Variants in H2AZ2 observed in about 807,000 individuals in gnomAD.
H2AZ2 encodes the protein H2A.Z variant histone 2, also known as histone H2A.V.
In H2AZ2, 5 loss-of-function variants were observed where a neutral mutation model predicts 15.5. The observed-to-expected ratio is 0.32, with a 90% CI of 0.17 to 0.68. The LOEUF is 0.68. Among genes scored for constraint, H2AZ2 ranks in the 30% least tolerant of loss-of-function variants. The probability of loss-of-function intolerance (pLI) is 0.72; values close to 1 mark genes in which losing one functional copy is unlikely to be tolerated. For synonymous variants in H2AZ2, 44 were observed against 57.4 expected (o/e 0.77, Z 1.05); for missense variants, 42 against 162.5 (o/e 0.26, Z 4.03).
chr7:44,830,091 T>A, downstream of H2AZ2: 1 of 1,586,192 alleles, frequency 6.3e-7, no homozygotes, highest in Non-Finnish European at 8.7e-7. Flanking sequence ...AGAATCTTGT[T>A]CCACTAAATC....
intron 2 of H2AZ2, among the ~76,000 whole-genome samples, chr7:44,841,544 C>CT (rs1793276493): frequency 6.6e-6 from 1 of 152,190 alleles, no homozygotes; most frequent in African/African-American, 2.4e-5. Flanking sequence ...GAGTCTCACT[C>CT]TGTCACCCAG....
chr7:44,847,928 C>T, intron 1 of H2AZ2, 41 bp downstream of exon 1: 1 of 1,515,402 alleles, frequency 6.6e-7, no homozygotes, highest in Non-Finnish European at 8.8e-7. Flanking sequence ...GCGCTCTGCT[C>T]TCCCAGGCCC....
downstream of H2AZ2, among the ~76,000 whole-genome samples, chr7:44,830,578 A>C (rs1365357351): frequency 6.6e-6 from 1 of 152,196 alleles, no homozygotes; most frequent in East Asian, 1.9e-4. Context: ...AAAAAGAAAA[A>C]GAAAAATCCT....
At chr7:44,835,749 A>G in intron 3 of H2AZ2, 91 bp from the exon 4 acceptor site, 2 of 1,113,374 alleles carry the variant, frequency 1.8e-6, no homozygotes, top group South Asian at 1.8e-5. Context: ...AAATGCACAC[A>G]CAATACATAA....
At chr7:44,829,357 T>C (rs1369860759), downstream of H2AZ2, 2 of 152,188 alleles carry the variant, frequency 1.3e-5, no homozygotes, top group African/African-American at 2.4e-5. Flanking sequence ...TCCCAGCACT[T>C]TGGAAGGCTT....
intron 3 of H2AZ2, among the ~76,000 whole-genome samples, chr7:44,836,736 C>T (rs1465815501): frequency 2.0e-5 from 3 of 152,100 alleles, no homozygotes; most frequent in South Asian, 2.1e-4. Context: ...GTGGCTCACA[C>T]CTGTAATCCC....
At position 44,834,211 on chromosome 7, in the gene H2AZ2, A is replaced by C; in HGVS notation, c.*290T>G. The C allele has an allele frequency of 8.6e-7, 1 of 1,162,590 alleles. No homozygotes were observed. Among genetic ancestry groups the C allele is most frequent in the African/African-American group, 1.6e-5 (1 of 64,176 alleles). 72.0% of individuals were successfully genotyped at this position (1,162,590 alleles called of 1,614,324 possible). A position where few individuals can be genotyped will look rare whatever the true frequency, so the allele number is the denominator to read the frequency against. ...AATATTTCTAATACATCATGAACAG[A>C]ACAGTTTTGAGACAAATTAATTTTG... is the stretch of plus-strand genomic sequence containing the variant. On this transcript the variant is annotated 3_prime_UTR_variant, in exon 5 of 5. Coordinates refer to ENST00000308153, the MANE Select transcript of H2AZ2 (RefSeq NM_012412.5).
At chr7:44,841,100 AT>A (rs1793265057) in intron 2 of H2AZ2, 88 bp from the exon 3 acceptor site, 3 of 964,142 alleles carry the variant, frequency 3.1e-6, no homozygotes, top group Non-Finnish European at 4.8e-6. Flanking sequence ...TAAGCATGAA[AT>A]AATAAAAAAC....
chr7:44,846,422 C>T (rs981645430), intron 1 of H2AZ2, among the ~76,000 whole-genome samples: 1 of 152,028 alleles, frequency 6.6e-6, no homozygotes, highest in Non-Finnish European at 1.5e-5. Flanking sequence ...TCGAGACCAT[C>T]CTGGCCAACA....
intron 2 of H2AZ2, among the ~76,000 whole-genome samples, chr7:44,842,488 G>C (rs1180315375): frequency 2.0e-5 from 3 of 152,132 alleles, no homozygotes; most frequent in Non-Finnish European, 4.4e-5. Context: ...AAACTCCTCT[G>C]TTCCTTAGGT....
chr7:44,844,848 G>A (rs1224824400), intron 1 of H2AZ2, among the ~76,000 whole-genome samples: 1 of 152,154 alleles, frequency 6.6e-6, no homozygotes, highest in Non-Finnish European at 1.5e-5. Context: ...GGGTATTATA[G>A]AGTATATGTG....
Position 44,833,579 on chromosome 7 carries a change from G to A in H2AZ2, c.*922C>T. On this transcript the variant is annotated 3_prime_UTR_variant, in exon 5 of 5. Coordinates refer to ENST00000308153, the MANE Select transcript of H2AZ2 (RefSeq NM_012412.5). Reference sequence around the variant, plus strand: ...TTGGCCAGGCTGGTCTCAAACTCCTGACCTCAAGTGTTCCACCAGCCTCGG... The same window carrying A: ...TTGGCCAGGCTGGTCTCAAACTCCTAACCTCAAGTGTTCCACCAGCCTCGG... 1.7e-6 allele frequency: 1 copy of A among 578,880 alleles called. No individual in the cohort carries two copies. Among genetic ancestry groups the A allele is most frequent in the Non-Finnish European group, 2.2e-6 (1 of 458,328 alleles). The allele number at this position is 578,880 out of a possible 1,614,324, so 35.9% of individuals were successfully genotyped here.
intron 2 of H2AZ2, 64 bp from the exon 3 acceptor site, chr7:44,841,076 A>G: frequency 8.5e-7 from 1 of 1,179,502 alleles, no homozygotes; most frequent in East Asian, 2.4e-5. Context: ...ACTGTAATCA[A>G]AGGCTGAACA....
chr7:44,846,072 C>CACACACAG (rs1554336359), intron 1 of H2AZ2, among the ~76,000 whole-genome samples: 2 of 84,776 alleles, frequency 2.4e-5, no homozygotes, highest in Admixed American at 2.4e-4. Context: ...CAGAGAGAGA[C>CACACACAG]AGAGAGAGAG....
chr7:44,833,624 T>C lies in H2AZ2; in HGVS notation c.*877A>G. 1.1e-6 allele frequency: 1 copy of C among 923,868 alleles called. No homozygotes were observed. Among genetic ancestry groups the C allele is most frequent in the Non-Finnish European group, 1.3e-6 (1 of 773,712 alleles). 57.2% of individuals were successfully genotyped at this position (923,868 alleles called of 1,614,324 possible). On this transcript the variant is annotated 3_prime_UTR_variant, in exon 5 of 5. Coordinates refer to ENST00000308153, the MANE Select transcript of H2AZ2 (RefSeq NM_012412.5). The stretch of plus-strand genomic sequence containing the variant: ...CCTCGGTCTCCCGAAGTGTTGGGAT[T>C]ACAGGCGTAAACCACAATGCCAGGC...
At chr7:44,829,007 G>C (rs1792964399), downstream of H2AZ2, 1 of 152,160 alleles carries the variant, frequency 6.6e-6, no homozygotes, top group African/African-American at 2.4e-5. Flanking sequence ...GGTTCCCCCA[G>C]GTAATCCAGG....
chr7:44,832,558 C>G lies in H2AZ2; in HGVS notation c.*1943G>C, dbSNP rs1394511661. On this transcript the variant is annotated 3_prime_UTR_variant, in exon 5 of 5. Coordinates refer to ENST00000308153, the MANE Select transcript of H2AZ2 (RefSeq NM_012412.5). ...AAAAATGAGTTTGGATAGCATTATACTATAAAATATTTTAAAATTTCCTTC... is the reference window on the plus strand; with the variant it reads ...AAAAATGAGTTTGGATAGCATTATAGTATAAAATATTTTAAAATTTCCTTC... Among the ~76,000 whole-genome samples the G allele has an allele frequency of 6.6e-6, 1 of 152,132 alleles. No individual in the cohort carries two copies. The highest frequency in any genetic ancestry group is 1.5e-5 in the Non-Finnish European group (1 of 68,038).
rs549113472 is a variant in H2AZ2 at position 44,833,468 on chromosome 7, C to T, written c.*1033G>A. The stretch of plus-strand genomic sequence containing the variant: ...GCCAGGATGGTCTCGATTTCCTGAC[C>T]TCGTGATTCACCCACCTTGGCCTCC... On this transcript the variant is annotated 3_prime_UTR_variant, in exon 5 of 5. Coordinates refer to ENST00000308153, the MANE Select transcript of H2AZ2 (RefSeq NM_012412.5). 6.6e-6 allele frequency: 1 copy of T among 152,610 alleles called. No homozygotes were observed. Among genetic ancestry groups the T allele is most frequent in the African/African-American group, 2.4e-5 (1 of 41,544 alleles). 9.5% of individuals were successfully genotyped at this position (152,610 alleles called of 1,614,324 possible).
At chr7:44,845,465 A>G (rs1475535627) in intron 1 of H2AZ2, among the ~76,000 whole-genome samples, 1 of 152,152 alleles carries the variant, frequency 6.6e-6, no homozygotes, top group Admixed American at 6.6e-5. Context: ...TTCTCAAATA[A>G]AAAACCCTTG....
Sources: gnomAD v4.1 joint callset for allele counts (sites outside exome capture counted in the v4.1 genomes callset) on GRCh38, gnomAD v4.1.1 for gene constraint, MANE v1.5 for transcripts, NCBI Gene and HGNC (gene_info 2026-07-23, HGNC 2026-07-21) for gene names.